KSR1: variants seen among roughly 807,000 people sequenced by gnomAD.
The protein encoded by KSR1 is kinase suppressor of ras 1.
KSR1 carries 35 observed loss-of-function variants against 92.9 expected under a neutral mutation model. That is an observed-to-expected ratio of 0.38 (90% CI 0.29 to 0.50). The LOEUF (loss-of-function observed/expected upper bound fraction) is 0.50, where lower values mean the gene tolerates loss of function less well. Among genes scored for constraint, KSR1 ranks in the 20% least tolerant of loss-of-function variants. The pLI, the probability that KSR1 is intolerant of heterozygous loss-of-function variation, is 0.94. For synonymous variants in KSR1, 467 were observed against 472.6 expected, an observed-to-expected ratio of 0.99 and a Z score of 0.15; for missense variants, 972 against 1,158.5, an observed-to-expected ratio of 0.84 and a Z score of 2.34.
At position 27,613,866 on chromosome 17, in the gene KSR1, C is replaced by T. The variant is rs547351587; in HGVS notation, c.2493+2237C>T. ...TCGCCCAGGCTGAAGTGCAGTGGCA[C>T]GATCTTGGCTCACTGCAACCTCTGC... On this transcript the variant is annotated intron_variant, in intron 18 of 20. Coordinates refer to ENST00000644974, the MANE Select transcript of KSR1 (RefSeq NM_001394583.1). Among the ~76,000 whole-genome samples the T allele has an allele frequency of 7.2e-5, 11 of 152,324 alleles. No individual in the cohort carries two copies. The South Asian group carries it at 1.7e-3, about 23-fold the overall frequency.
intron 1 of KSR1, among the ~76,000 whole-genome samples, chr17:27,479,526 T>C (rs1466796271): frequency 6.6e-6 from 1 of 152,178 alleles, no homozygotes; most frequent in African/African-American, 2.4e-5. Flanking sequence ...CCGCTCCTAG[T>C]GCAGGTGACA....
intron 1 of KSR1, among the ~76,000 whole-genome samples, chr17:27,477,386 G>C (rs1413052257): frequency 6.6e-6 from 1 of 152,122 alleles, no homozygotes; most frequent in Non-Finnish European, 1.5e-5. Context: ...AGCTGCCCTG[G>C]AAACACCAGA....
At chr17:27,475,952 T>C (rs1473306626) in intron 1 of KSR1, among the ~76,000 whole-genome samples, 2 of 152,238 alleles carry the variant, frequency 1.3e-5, no homozygotes, top group Non-Finnish European at 2.9e-5. Context: ...TGATGATATG[T>C]ATGCATATGG....
At chr17:27,575,327 C>T (rs2072463103) in intron 2 of KSR1, among the ~76,000 whole-genome samples, 1 of 152,184 alleles carries the variant, frequency 6.6e-6, no homozygotes, top group Admixed American at 6.5e-5. Context: ...GGCCCCTCCC[C>T]CTCTTTAGAC....
In KSR1 at chr17:27,592,442, C is replaced by T; in HGVS notation, c.1192+20C>T. The T allele has an allele frequency of 6.2e-7, 1 of 1,613,658 alleles. No homozygotes were observed. The highest frequency in any genetic ancestry group is 1.1e-5 in the South Asian group (1 of 91,072). Reference sequence around the variant, plus strand: ...TGCCACGTGAGTTTTCTGCCTTCCTCTCCTCTGCCTTCTGGATTTGGGTGA... The same window carrying T: ...TGCCACGTGAGTTTTCTGCCTTCCTTTCCTCTGCCTTCTGGATTTGGGTGA... On this transcript the variant is annotated intron_variant, in intron 8 of 20. Transcript: ENST00000644974.
chr17:27,545,456 C>T (rs1270032461), intron 1 of KSR1, among the ~76,000 whole-genome samples: 2 of 152,192 alleles, frequency 1.3e-5, no homozygotes, highest in African/African-American at 4.8e-5. Flanking sequence ...GAAGCTAACA[C>T]AAGAGGATCA....
intron 10 of KSR1, among the ~76,000 whole-genome samples, chr17:27,600,966 T>C (rs573788346): frequency 6.6e-6 from 1 of 152,350 alleles, no homozygotes; most frequent in South Asian, 2.1e-4. Flanking sequence ...TGAGACACTC[T>C]GGAGGTACAG....
intron 1 of KSR1, among the ~76,000 whole-genome samples, chr17:27,477,048 T>C (rs948397055): frequency 2.0e-5 from 3 of 152,236 alleles, no homozygotes; most frequent in Non-Finnish European, 4.4e-5. Flanking sequence ...TATTCATGCC[T>C]CACCTTTTCA....
intron 1 of KSR1, among the ~76,000 whole-genome samples, chr17:27,476,676 A>G (rs996092046): frequency 1.3e-5 from 2 of 152,042 alleles, no homozygotes; most frequent in African/African-American, 4.8e-5. Flanking sequence ...CACTGCCCCC[A>G]CTCTGAGAAA....
chr17:27,473,035 C>G (rs1172865117), intron 1 of KSR1, among the ~76,000 whole-genome samples: 2 of 152,212 alleles, frequency 1.3e-5, no homozygotes, highest in African/African-American at 4.8e-5. Flanking sequence ...TCCCAGATAG[C>G]TGGGACCACA....
At chr17:27,497,030 G>T (rs981136031) in intron 1 of KSR1, among the ~76,000 whole-genome samples, 1 of 152,218 alleles carries the variant, frequency 6.6e-6, no homozygotes, top group Non-Finnish European at 1.5e-5. Context: ...TTTTCTAGGG[G>T]CAGCAGTAAG....
At chr17:27,504,278 C>T (rs779780147) in intron 1 of KSR1, among the ~76,000 whole-genome samples, 24 of 152,332 alleles carry the variant, frequency 1.6e-4, no homozygotes, top group Middle Eastern at 6.8e-3. Flanking sequence ...CGCAGTCAGC[C>T]GGCCATTCTT....
intron 1 of KSR1, among the ~76,000 whole-genome samples, chr17:27,493,023 A>G (rs111814929): frequency 9.1e-4 from 139 of 152,300 alleles, no homozygotes; most frequent in African/African-American, 3.0e-3. Flanking sequence ...CACTTCATAG[A>G]AAGCATTGGC....
At chr17:27,601,894 GCCATCTGCTGGC>G in intron 11 of KSR1, 1 of 1,608,150 alleles carries the variant, frequency 6.2e-7, no homozygotes, top group Non-Finnish European at 8.5e-7. Flanking sequence ...ACCACACAGT[GCCATCTGCTGGC>G]CATTGCTGGA....
At position 27,492,148 on chromosome 17, in the gene KSR1, T is replaced by C. The variant is rs529838031; in HGVS notation, c.231+35274T>C. On this transcript the variant is annotated intron_variant, in intron 1 of 20. Transcript: ENST00000644974. ...GGGAGGAGGGAGGAGACGAGGAGAG[T>C]GTGTGTAGCAGATACGAGTGGGTGG... Among the ~76,000 whole-genome samples the C allele has an allele frequency of 2.6e-5, 4 of 150,984 alleles. No homozygotes were observed. The South Asian group carries it at 8.3e-4, about 31-fold the overall frequency.
intron 1 of KSR1, among the ~76,000 whole-genome samples, chr17:27,524,919 G>T (rs568331617): frequency 6.6e-6 from 1 of 152,146 alleles, no homozygotes; most frequent in Admixed American, 6.5e-5. Context: ...GTGGAAAACG[G>T]TGGGGCACAT....
intron 1 of KSR1, among the ~76,000 whole-genome samples, chr17:27,493,723 C>G (rs1175828331): frequency 6.6e-6 from 1 of 152,098 alleles, no homozygotes; most frequent in African/African-American, 2.4e-5. Flanking sequence ...CCTAAACTCT[C>G]TGTAATTATG....
intron 1 of KSR1, among the ~76,000 whole-genome samples, chr17:27,541,869 G>A (rs963404293): frequency 6.6e-6 from 1 of 152,232 alleles, no homozygotes; most frequent in African/African-American, 2.4e-5. Context: ...TCATTTGGCT[G>A]AGGCTGGACT....
chr17:27,590,918 G>T (rs766692519), intron 7 of KSR1, 24 bp downstream of exon 7: 19 of 1,585,954 alleles, frequency 1.2e-5, no homozygotes, highest in East Asian at 2.3e-5. Flanking sequence ...GAGTGGGGGT[G>T]GGGGGAGCAG....
Sources: allele counts gnomAD v4.1 joint callset (sites outside exome capture counted in the v4.1 genomes callset), GRCh38; gene constraint gnomAD v4.1.1; transcripts MANE v1.5; gene names NCBI Gene and HGNC (gene_info 2026-07-23, HGNC 2026-07-21).